The following LARGE1 variants were observed in gnomAD, a reference collection of about 807,000 sequenced individuals.
The protein encoded by LARGE1 is LARGE xylosyl- and glucuronyltransferase 1, also known as xylosyl- and glucuronyltransferase LARGE1.
LARGE1 carries 43 observed loss-of-function variants against 87.6 expected under a neutral mutation model. The ratio of observed to expected loss-of-function variants is 0.49; its 90% CI spans 0.38 to 0.63. The LOEUF (loss-of-function observed/expected upper bound fraction) is 0.63, where lower values mean the gene tolerates loss of function less well. LARGE1 is among the 30% of genes least tolerant of loss of function. LARGE1 has a pLI of 0.00. For missense variants in LARGE1, 802 were observed against 1,000.2 expected, an observed-to-expected ratio of 0.80 and a Z score of 2.67; for synonymous variants, 434 against 394.6, an observed-to-expected ratio of 1.10 and a Z score of -1.18.
At position 33,479,515 on chromosome 22, in the gene LARGE1, A is replaced by G. The variant is rs371084807; in HGVS notation, c.788-47250T>C. Among the ~76,000 whole-genome samples the G allele has an allele frequency of 3.7e-4, 57 of 152,340 alleles. 2 individuals are homozygous for G. In the South Asian group the frequency reaches 0.01, roughly 28 times the overall value. ...TTTCTACAGTCAACAGGACTAGAAC[A>G]GTGCCTGGCATATAACAGAAACTAA... On this transcript the variant is annotated intron_variant, in intron 6 of 14. Coordinates refer to ENST00000397394, the MANE Select transcript of LARGE1 (RefSeq NM_133642.5).
intron 4 of LARGE1, among the ~76,000 whole-genome samples, chr22:33,610,709 C>T (rs577924860): frequency 2.0e-5 from 3 of 152,068 alleles, no homozygotes; most frequent in Non-Finnish European, 4.4e-5. Flanking sequence ...GGGCCAGGTA[C>T]GACAGCCAAG....
chr22:33,845,195 C>T (rs925655917), intron 1 of LARGE1, among the ~76,000 whole-genome samples: 6 of 152,290 alleles, frequency 3.9e-5, no homozygotes, highest in African/African-American at 1.4e-4. Context: ...CCTGGGAAAC[C>T]CAGAATCCTA....
chr22:33,440,401 C>T (rs2067423405), intron 6 of LARGE1, among the ~76,000 whole-genome samples: 1 of 152,122 alleles, frequency 6.6e-6, no homozygotes, highest in African/African-American at 2.4e-5. Flanking sequence ...CCCAGAAAAG[C>T]TCCTGGGCAC....
intron 3 of LARGE1, among the ~76,000 whole-genome samples, chr22:33,640,826 A>G (rs2080406487): frequency 6.6e-6 from 1 of 152,112 alleles, no homozygotes; most frequent in Non-Finnish European, 1.5e-5. Flanking sequence ...AGAACTCATG[A>G]CGGCATGGCA....
chr22:33,520,487 G>A (rs957335767), intron 6 of LARGE1, among the ~76,000 whole-genome samples: 1 of 152,120 alleles, frequency 6.6e-6, no homozygotes, highest in Non-Finnish European at 1.5e-5. Flanking sequence ...AGCACGGGAG[G>A]GGACTCTGAA....
chr22:33,915,435 T>G (rs1322022229), intron 1 of LARGE1, among the ~76,000 whole-genome samples: 1 of 152,198 alleles, frequency 6.6e-6, no homozygotes, highest in Admixed American at 6.5e-5. Context: ...TAAGTGTTTT[T>G]TTTTTCATAT....
chr22:33,350,110 C>T (rs1940220460), intron 9 of LARGE1, among the ~76,000 whole-genome samples: 1 of 152,138 alleles, frequency 6.6e-6, no homozygotes, highest in Admixed American at 6.5e-5. Context: ...AGACTTTTCA[C>T]AATACTCAGG....
At chr22:33,792,846 A>G (rs1177103860) in intron 1 of LARGE1, among the ~76,000 whole-genome samples, 1 of 152,136 alleles carries the variant, frequency 6.6e-6, no homozygotes, top group African/African-American at 2.4e-5. Flanking sequence ...CCCCTTTCTC[A>G]CTGTGTTCAG....
chr22:33,481,964 C>A (rs149592524), intron 6 of LARGE1, among the ~76,000 whole-genome samples: 32 of 152,276 alleles, frequency 2.1e-4, no homozygotes, highest in African/African-American at 7.0e-4. Flanking sequence ...TTCCTACCTA[C>A]CAGACAGTTA....
At chr22:33,732,373 G>A (rs2083501797) in intron 2 of LARGE1, 1 of 152,248 alleles carries the variant, frequency 6.6e-6, no homozygotes, top group African/African-American at 2.4e-5. Context: ...GAAGCCTGTG[G>A]ATGCCCTGAA....
intron 11 of LARGE1, among the ~76,000 whole-genome samples, chr22:33,174,879 T>G (rs1258582964): frequency 2.6e-5 from 4 of 151,428 alleles, no homozygotes; most frequent in Non-Finnish European, 5.9e-5. Flanking sequence ...ATGTCCGGAT[T>G]CACAGCTGAA....
chr22:33,891,691 T>C (rs564524974), intron 1 of LARGE1, among the ~76,000 whole-genome samples: 11 of 152,298 alleles, frequency 7.2e-5, no homozygotes, highest in African/African-American at 2.4e-4. Flanking sequence ...ATAGACCAAA[T>C]ACATGCTGGG....
intron 1 of LARGE1, among the ~76,000 whole-genome samples, chr22:33,915,038 C>G (rs911626095): frequency 0.049 from 5,577 of 114,524 alleles, 275 homozygotes; most frequent in African/African-American, 0.16. Context: ...CACACACACA[C>G]ACACAGAGAG....
chr22:33,505,644 T>C (rs1321600104), intron 6 of LARGE1, among the ~76,000 whole-genome samples: 1 of 152,112 alleles, frequency 6.6e-6, no homozygotes, highest in Admixed American at 6.6e-5. Context: ...CCAGAACTCT[T>C]TGTAGACACA....
chr22:33,118,504 G>GAAAAAAAAAAAA, the LARGE1 span, among the ~76,000 whole-genome samples: 19 of 80,404 alleles, frequency 2.4e-4, no homozygotes, highest in Non-Finnish European at 3.9e-4. Context: ...AAAGAAAAAA[G>GAAAAAAAAAAAA]AAAAAAAAAA....
At chr22:33,789,018 T>A (rs1168083812) in intron 1 of LARGE1, among the ~76,000 whole-genome samples, 2 of 152,160 alleles carry the variant, frequency 1.3e-5, no homozygotes, top group African/African-American at 4.8e-5. Flanking sequence ...AGGAGCCAAA[T>A]GTTAATTGCC....
At chr22:33,085,205 A>G in the LARGE1 span, among the ~76,000 whole-genome samples, 3 of 152,218 alleles carry the variant, frequency 2.0e-5, no homozygotes, top group African/African-American at 7.2e-5. Context: ...GAACCCGGGA[A>G]GCGAAGATTG....
At chr22:33,589,876 T>C (rs2078785243) in intron 5 of LARGE1, among the ~76,000 whole-genome samples, 2 of 152,132 alleles carry the variant, frequency 1.3e-5, no homozygotes, top group South Asian at 2.1e-4. Flanking sequence ...GAAGTTTGAA[T>C]TTCCCATTTA....
chr22:33,677,326 G>A (rs918981007), intron 2 of LARGE1, among the ~76,000 whole-genome samples: 4 of 149,730 alleles, frequency 2.7e-5, no homozygotes, highest in South Asian at 2.1e-4. Context: ...AAACTCACTC[G>A]AACTGGCCCA....
Sources: allele counts gnomAD v4.1 joint callset (sites outside exome capture counted in the v4.1 genomes callset), GRCh38; gene constraint gnomAD v4.1.1; transcripts MANE v1.5; gene names NCBI Gene and HGNC (gene_info 2026-07-23, HGNC 2026-07-21).